The following FAM114A1 variants were observed in gnomAD, a reference collection of about 807,000 sequenced individuals.
The protein encoded by FAM114A1 is protein NOXP20.
FAM114A1 carries 62 observed loss-of-function variants against 64.3 expected under a neutral mutation model. The ratio of observed to expected loss-of-function variants is 0.96; its 90% CI spans 0.79 to 1.19. The LOEUF (loss-of-function observed/expected upper bound fraction) is 1.19. FAM114A1 is among the 50% of genes most tolerant of loss of function. FAM114A1 has a pLI of 0.00. For synonymous variants in FAM114A1, 254 were observed against 251.1 expected, an observed-to-expected ratio of 1.01 and a Z score of -0.11; for missense variants, 645 against 676.3, an observed-to-expected ratio of 0.95 and a Z score of 0.51.
At position 38,905,476 on chromosome 4, in the gene FAM114A1, C is replaced by T. The variant is rs200436144; in HGVS notation, c.437-46C>T. 2.7e-4 allele frequency: 371 copies of T among 1,349,424 alleles called. 7 individuals are homozygous for T. The highest frequency in any genetic ancestry group is 2.5e-3 in the South Asian group (199 of 81,202). The allele number at this position is 1,349,424 out of a possible 1,614,324, so 83.6% of individuals were successfully genotyped here. A position where few individuals can be genotyped will look rare whatever the true frequency, so the allele number is the denominator to read the frequency against. ...AAGATTTGGTGGAGGATTTGCAGAC[C>T]GTGGATTTCTAATGTATCCATGAAC... is the stretch of plus-strand genomic sequence containing the variant. On this transcript the variant is annotated intron_variant, in intron 4 of 14. Transcript: ENST00000358869.
intron 10 of FAM114A1, among the ~76,000 whole-genome samples, chr4:38,930,667 G>A (rs1029182842): frequency 1.3e-5 from 2 of 152,184 alleles, no homozygotes; most frequent in Admixed American, 6.5e-5. Context: ...AAGATTTAAC[G>A]TGGGAAGTAA....
chr4:38,885,871 T>C (rs147290548), intron 3 of FAM114A1, among the ~76,000 whole-genome samples: 1 of 152,234 alleles, frequency 6.6e-6, no homozygotes, highest in African/African-American at 2.4e-5. Context: ...TGTCACAATA[T>C]GCATGTAGAA....
intron 2 of FAM114A1, among the ~76,000 whole-genome samples, chr4:38,873,768 A>G (rs1350302570): frequency 6.6e-6 from 1 of 152,174 alleles, no homozygotes; most frequent in African/African-American, 2.4e-5. Flanking sequence ...TTAAGGTTTT[A>G]TAGGAAATCG....
At chr4:38,922,980 C>T (rs1719753291) in intron 9 of FAM114A1, 87 bp downstream of exon 9, 4 of 1,393,068 alleles carry the variant, frequency 2.9e-6, no homozygotes, top group South Asian at 1.4e-5. Flanking sequence ...CTTTGAATTA[C>T]TTAATTCAAG....
In FAM114A1 at chr4:38,943,919, T is replaced by G. The variant is rs1160467467; in HGVS notation, c.*362T>G. Reference sequence around the variant, plus strand: ...TTAGACTTTTGTTTAATCCTTTATGTTTCAACCTTTAAATGTTCCATTCTT... The same window carrying G: ...TTAGACTTTTGTTTAATCCTTTATGGTTCAACCTTTAAATGTTCCATTCTT... On this transcript the variant is annotated 3_prime_UTR_variant, in exon 15 of 15. Coordinates refer to ENST00000358869, the MANE Select transcript of FAM114A1 (RefSeq NM_138389.4). 5.6e-6 allele frequency: 1 copy of G among 177,172 alleles called. No homozygotes were observed. Among genetic ancestry groups the G allele is most frequent in the Non-Finnish European group, 1.2e-5 (1 of 81,684 alleles). The allele number at this position is 177,172 out of a possible 1,614,324, so 11.0% of individuals were successfully genotyped here.
At chr4:38,882,968 A>ATTAT (rs1252044278) in intron 3 of FAM114A1, among the ~76,000 whole-genome samples, 1 of 151,634 alleles carries the variant, frequency 6.6e-6, no homozygotes, top group Non-Finnish European at 1.5e-5. Flanking sequence ...ACTCGGATAA[A>ATTAT]CTATCTCTAT....
At chr4:38,889,809 A>G (rs1294547259) in intron 3 of FAM114A1, among the ~76,000 whole-genome samples, 2 of 152,164 alleles carry the variant, frequency 1.3e-5, no homozygotes, top group Non-Finnish European at 2.9e-5. Context: ...TAGTTCACAA[A>G]ATAGTGATTT....
chr4:38,941,684 A>G (rs1395141756), intron 14 of FAM114A1, among the ~76,000 whole-genome samples: 1 of 152,240 alleles, frequency 6.6e-6, no homozygotes, highest in Non-Finnish European at 1.5e-5. Context: ...GAGGAAAGGT[A>G]GAAGATTGGT....
In FAM114A1 at chr4:38,929,324, A is replaced by T; in HGVS notation, c.1152A>T (p.Lys384Asn). 6.2e-7 allele frequency: 1 copy of T among 1,612,444 alleles called. No homozygotes were observed. The highest frequency in any genetic ancestry group is 8.5e-7 in the Non-Finnish European group (1 of 1,178,614). The change falls in exon 10 of 15, where the codon AAA becomes AAT. Residue 384 changes from lysine (K) to asparagine (N), a missense_variant. Physicochemically the swap from Lys to Asn is moderately conservative, Grantham distance 94. Coordinates refer to ENST00000358869, the MANE Select transcript of FAM114A1 (RefSeq NM_138389.4). ...FELHVAATPD[K>N]LNKAMKRAHD... is the part of the protein sequence containing the mutation. ...TACATGTGGCGGCCACACCTGACAA[A>T]CTCAATAAGGTCAGCACTGTCTGAT...
chr4:38,878,516 T>C, intron 3 of FAM114A1, 90 bp downstream of exon 3: 2 of 1,139,916 alleles, frequency 1.8e-6, no homozygotes, highest in Non-Finnish European at 2.5e-6. Flanking sequence ...TGGGTGGGAA[T>C]TGGGAGTTCA....
At chr4:38,936,783 C>T (rs1721147210) in intron 13 of FAM114A1, among the ~76,000 whole-genome samples, 1 of 152,076 alleles carries the variant, frequency 6.6e-6, no homozygotes, top group African/African-American at 2.4e-5. Flanking sequence ...AAACTCCTGA[C>T]CTAGTGATCC....
At chr4:38,930,282 T>TC (rs1215440314) in intron 10 of FAM114A1, among the ~76,000 whole-genome samples, 1 of 152,180 alleles carries the variant, frequency 6.6e-6, no homozygotes, top group Non-Finnish European at 1.5e-5. Context: ...TTCCATTCTC[T>TC]CTCTCTCTCT....
In FAM114A1 at chr4:38,943,582, A is replaced by C. The variant is rs1441757675; in HGVS notation, c.*25A>C. On this transcript the variant is annotated 3_prime_UTR_variant, in exon 15 of 15. Coordinates refer to ENST00000358869, the MANE Select transcript of FAM114A1 (RefSeq NM_138389.4). ...ACCTGGCCAGACTCCATCTAGTTAA[A>C]GGAGACAGCTGGCCGCCTTGCCTCA... 1.2e-6 allele frequency: 2 copies of C among 1,605,528 alleles called. No individual in the cohort carries two copies. The highest frequency in any genetic ancestry group is 1.7e-5 in the Admixed American group (1 of 59,970).
chr4:38,928,052 A>G (rs1381947628), intron 9 of FAM114A1, among the ~76,000 whole-genome samples: 3 of 152,196 alleles, frequency 2.0e-5, no homozygotes, highest in African/African-American at 4.8e-5. Context: ...TAATAAGCGG[A>G]TCTAAGCTAA....
chr4:38,881,931 G>T (rs886077543), intron 3 of FAM114A1, among the ~76,000 whole-genome samples: 26 of 152,216 alleles, frequency 1.7e-4, no homozygotes, highest in Non-Finnish European at 5.9e-5. Flanking sequence ...AGGAATGGCA[G>T]GTTCTGCAGG....
chr4:38,889,238 T>C (rs1716095900), intron 3 of FAM114A1, among the ~76,000 whole-genome samples: 1 of 152,236 alleles, frequency 6.6e-6, no homozygotes, highest in Non-Finnish European at 1.5e-5. Context: ...TATTAATCAC[T>C]GATTTCCATC....
intron 9 of FAM114A1, 120 bp downstream of exon 9, chr4:38,923,013 A>C: frequency 8.6e-7 from 1 of 1,157,390 alleles, no homozygotes; most frequent in African/African-American, 1.6e-5. Flanking sequence ...ATGCTTCCAA[A>C]AGACACTGTG....
rs754808360 is a variant in FAM114A1, at chr4:38,935,708, C to G, written c.1464-10C>G. The G allele has an allele frequency of 6.7e-7, 1 of 1,488,716 alleles. No individual in the cohort carries two copies. The highest frequency in any genetic ancestry group is 9.0e-7 in the Non-Finnish European group (1 of 1,114,382). The allele number at this position is 1,488,716 out of a possible 1,614,324, so 92.2% of individuals were successfully genotyped here. A position where few individuals can be genotyped will look rare whatever the true frequency, so the allele number is the denominator to read the frequency against. ...AAAACATCCAAGCTTTTTTTTTTTT[C>G]TTCTTTCAGATTAACTACTGCAATG... is the stretch of plus-strand genomic sequence containing the variant. On this transcript the variant is annotated splice_polypyrimidine_tract_variant and intron_variant, in intron 12 of 14. Coordinates refer to ENST00000358869, the MANE Select transcript of FAM114A1 (RefSeq NM_138389.4).
intron 10 of FAM114A1, among the ~76,000 whole-genome samples, chr4:38,929,931 T>C (rs1330638822): frequency 2.0e-5 from 3 of 152,228 alleles, no homozygotes; most frequent in Non-Finnish European, 4.4e-5. Flanking sequence ...ACTTACCTTT[T>C]CATGGCAAAA....
Sources: allele counts gnomAD v4.1 joint callset (sites outside exome capture counted in the v4.1 genomes callset), GRCh38; gene constraint gnomAD v4.1.1; transcripts MANE v1.5; gene names NCBI Gene and HGNC (gene_info 2026-07-23, HGNC 2026-07-21).